NKAIN2: variants seen among roughly 807,000 people sequenced by gnomAD.
NKAIN2 encodes sodium/potassium transporting ATPase interacting 2.
A neutral mutation model predicts 32.6 loss-of-function variants in NKAIN2; 14 were observed. That is an observed-to-expected ratio of 0.43 (90% CI 0.28 to 0.67). NKAIN2 has a LOEUF of 0.67. Among genes scored for constraint, NKAIN2 ranks in the 30% least tolerant of loss-of-function variants. The probability of loss-of-function intolerance (pLI) is 0.17; values close to 1 mark genes in which losing one functional copy is unlikely to be tolerated. For synonymous variants in NKAIN2, 80 were observed against 87.2 expected (o/e 0.92, Z 0.46); for missense variants, 198 against 258.3 (o/e 0.77, Z 1.60).
At chr6:124,171,121 C>T (rs1788830536) in intron 1 of NKAIN2, among the ~76,000 whole-genome samples, 1 of 152,016 alleles carries the variant, frequency 6.6e-6, no homozygotes, top group Non-Finnish European at 1.5e-5. Flanking sequence ...CTCACTTTTC[C>T]ACTAAATGTA....
rs376487440 is a variant in NKAIN2 at position 124,507,504 on chromosome 6, G to T, written c.274-150682G>T. Among the ~76,000 whole-genome samples the T allele has an allele frequency of 3.9e-5, 6 of 151,920 alleles. No individual in the cohort carries two copies. The South Asian group carries it at 1.2e-3, about 32-fold the overall frequency. ...TTGCTTGGTTTAAATATATGCTTTTGGTAGTCAGCGTATCCATCTTTAATT... is the reference window on the plus strand; with the variant it reads ...TTGCTTGGTTTAAATATATGCTTTTTGTAGTCAGCGTATCCATCTTTAATT... On this transcript the variant is annotated intron_variant, in intron 3 of 6. Transcript: ENST00000368417.
chr6:123,865,083 A>G, intron 1 of NKAIN2, among the ~76,000 whole-genome samples: 1 of 152,128 alleles, frequency 6.6e-6, no homozygotes, highest in East Asian at 1.9e-4. Flanking sequence ...CTTTTAGTAA[A>G]AAAAGAAGAA....
intron 1 of NKAIN2, among the ~76,000 whole-genome samples, chr6:123,895,582 A>T (rs150674899): frequency 1.3e-4 from 20 of 152,338 alleles, no homozygotes; most frequent in African/African-American, 4.8e-4. Context: ...GGTTAGGGTC[A>T]CAGGAACATG....
intron 1 of NKAIN2, among the ~76,000 whole-genome samples, chr6:124,047,458 A>G (rs1562327669): frequency 6.6e-6 from 1 of 151,882 alleles, no homozygotes; most frequent in Non-Finnish European, 1.5e-5. Context: ...CTATATATAT[A>G]TAGTTAAATA....
At position 124,330,176 on chromosome 6, in the gene NKAIN2, A is replaced by G. The variant is rs148910525; in HGVS notation, c.193-25091A>G. Among the ~76,000 whole-genome samples, 480 of 152,314 alleles carry G rather than the reference A, an allele frequency of 3.2e-3. 5 individuals are homozygous for G. Among genetic ancestry groups the G allele is most frequent in the African/African-American group, 0.011 (465 of 41,570 alleles). On this transcript the variant is annotated intron_variant, in intron 2 of 6. Coordinates refer to ENST00000368417, the MANE Select transcript of NKAIN2 (RefSeq NM_001040214.3). ...TCAGTGTTACTGAATGCCAAGAACT[A>G]TTATCACACCATCTATTTCAAGTGG...
intron 4 of NKAIN2, among the ~76,000 whole-genome samples, chr6:124,769,348 G>T (rs1778648369): frequency 6.6e-6 from 1 of 152,066 alleles, no homozygotes; most frequent in African/African-American, 2.4e-5. Context: ...TGTTTTGAAT[G>T]TTTAGTACTA....
chr6:124,276,350 C>G (rs1665098179), intron 1 of NKAIN2, among the ~76,000 whole-genome samples: 1 of 151,124 alleles, frequency 6.6e-6, no homozygotes, highest in Admixed American at 6.6e-5. Flanking sequence ...CAAGTATGTA[C>G]ACATATATAC....
At chr6:124,057,672 TAGAC>T (rs1169575763) in intron 1 of NKAIN2, among the ~76,000 whole-genome samples, 2 of 151,508 alleles carry the variant, frequency 1.3e-5, no homozygotes, top group Non-Finnish European at 2.9e-5. Flanking sequence ...ACTATCAAAA[TAGAC>T]AGCCACTGTT....
Position 124,086,619 on chromosome 6 carries a change from A to G in NKAIN2, c.55-196386A>G, listed in dbSNP as rs1396661907. Among the ~76,000 whole-genome samples the G allele has an allele frequency of 3.3e-5, 5 of 151,932 alleles. No homozygotes were observed. The East Asian group carries it at 5.8e-4, about 18-fold the overall frequency. ...TAAAACACAATTGCTGGGCATCACT[A>G]TAGATCTCATGGACATTAAAAGGAT... On this transcript the variant is annotated intron_variant, in intron 1 of 6. Transcript: ENST00000368417.
At chr6:123,996,429 T>G (rs1479325625) in intron 1 of NKAIN2, among the ~76,000 whole-genome samples, 3 of 145,852 alleles carry the variant, frequency 2.1e-5, no homozygotes, top group African/African-American at 7.7e-5. Flanking sequence ...AGAAAATAGT[T>G]TCCTTGATAG....
At chr6:124,584,365 T>C (rs1023348567) in intron 3 of NKAIN2, among the ~76,000 whole-genome samples, 3 of 152,112 alleles carry the variant, frequency 2.0e-5, no homozygotes, top group Non-Finnish European at 4.4e-5. Context: ...AAAGAAGACA[T>C]ATAAGGCCAG....
chr6:123,809,511 G>A (rs1773364305), intron 1 of NKAIN2, among the ~76,000 whole-genome samples: 1 of 152,040 alleles, frequency 6.6e-6, no homozygotes, highest in Non-Finnish European at 1.5e-5. Flanking sequence ...TCCAGGTTAT[G>A]GTAGAAATGA....
At chr6:124,412,674 T>C (rs1374813699) in intron 3 of NKAIN2, among the ~76,000 whole-genome samples, 1 of 152,196 alleles carries the variant, frequency 6.6e-6, no homozygotes, top group Non-Finnish European at 1.5e-5. Context: ...AGCTGCGTGC[T>C]GGGAGAACCA....
At chr6:124,787,888 C>T (rs1779574078) in intron 4 of NKAIN2, among the ~76,000 whole-genome samples, 1 of 151,964 alleles carries the variant, frequency 6.6e-6, no homozygotes, top group African/African-American at 2.4e-5. Flanking sequence ...CTAAACACAA[C>T]CCCTATCTTT....
chr6:123,930,791 C>T (rs915519396), intron 1 of NKAIN2, among the ~76,000 whole-genome samples: 119 of 152,128 alleles, frequency 7.8e-4, no homozygotes, highest in African/African-American at 2.7e-3. Flanking sequence ...TAAGATGTCC[C>T]TCCTTGTCCT....
chr6:124,782,685 T>A (rs1432945168), intron 4 of NKAIN2, among the ~76,000 whole-genome samples: 1 of 152,154 alleles, frequency 6.6e-6, no homozygotes, highest in Non-Finnish European at 1.5e-5. Flanking sequence ...TTATCTCTGA[T>A]CAAAAATGAT....
intron 3 of NKAIN2, among the ~76,000 whole-genome samples, chr6:124,471,665 G>T (rs1382793136): frequency 6.6e-6 from 1 of 152,116 alleles, no homozygotes; most frequent in Non-Finnish European, 1.5e-5. Flanking sequence ...GACATGACGT[G>T]GTTGGAGCCT....
chr6:124,594,984 G>A (rs531171347), intron 3 of NKAIN2, among the ~76,000 whole-genome samples: 16 of 152,252 alleles, frequency 1.1e-4, no homozygotes, highest in Non-Finnish European at 1.6e-4. Flanking sequence ...CAGTGAAGTG[G>A]GAGTCAGAGT....
At chr6:124,588,379 A>G (rs1781788807) in intron 3 of NKAIN2, among the ~76,000 whole-genome samples, 1 of 152,180 alleles carries the variant, frequency 6.6e-6, no homozygotes, top group African/African-American at 2.4e-5. Flanking sequence ...ATGCACAACT[A>G]GAACCTGAAA....
Sources: allele counts gnomAD v4.1 joint callset (sites outside exome capture counted in the v4.1 genomes callset), GRCh38; gene constraint gnomAD v4.1.1; transcripts MANE v1.5; gene names NCBI Gene and HGNC (gene_info 2026-07-23, HGNC 2026-07-21).